The following VPS54 variants were observed in gnomAD, a reference collection of about 807,000 sequenced individuals.
VPS54 encodes vacuolar protein sorting-associated protein 54.
Under a neutral mutation model 121.5 loss-of-function variants are expected in VPS54, and 45 were observed. That is an observed-to-expected ratio of 0.37 (90% CI 0.29 to 0.47). The LOEUF (loss-of-function observed/expected upper bound fraction) is 0.47. Ranked by LOEUF, VPS54 falls within the 20% of genes least tolerant of loss-of-function variation. VPS54 has a pLI of 0.99. For missense variants in VPS54, 1,090 were observed against 1,131.4 expected (o/e 0.96, Z 0.52); for synonymous variants, 371 against 385.8 (o/e 0.96, Z 0.45).
chr2:63,922,044 A>C (rs987883413), intron 12 of VPS54, among the ~76,000 whole-genome samples: 43 of 152,340 alleles, frequency 2.8e-4, no homozygotes, highest in African/African-American at 1.0e-3. Flanking sequence ...AATGAGTATA[A>C]ATATTCAGTT....
chr2:63,985,311 C>A (rs950901929), intron 1 of VPS54, among the ~76,000 whole-genome samples: 1 of 151,964 alleles, frequency 6.6e-6, no homozygotes, highest in African/African-American at 2.4e-5. Flanking sequence ...ATGGTGAGAC[C>A]CCGTCTCAAA....
chr2:63,933,766 C>A lies in VPS54; in HGVS notation c.1646G>T (p.Ser549Ile), dbSNP rs1429335624. The A allele has an allele frequency of 6.2e-7, 1 of 1,613,800 alleles. No individual in the cohort carries two copies. Among genetic ancestry groups the A allele is most frequent in the African/African-American group, 1.3e-5 (1 of 74,912 alleles). The stretch of plus-strand genomic sequence containing the variant: ...ACATTCTGGCTCGGATACAGAATCA[C>A]TGCTGCAGGGCTCACTATTTGGAGA... ...NASPNSEPCS[S>I]DSVSEPECTT... is the part of the protein sequence containing the mutation. The change falls in exon 12 of 23, where the codon AGT (serine) becomes ATT (isoleucine). Residue 549 changes from serine (S) to isoleucine (I), a missense_variant. Transcript: ENST00000272322.
chr2:63,902,760 G>A (rs1167240649), intron 20 of VPS54, among the ~76,000 whole-genome samples: 1 of 152,152 alleles, frequency 6.6e-6, no homozygotes, highest in Non-Finnish European at 1.5e-5. Flanking sequence ...CCTGAAGTCA[G>A]GAGTTCAGAC....
rs963287524 is a variant in VPS54 at position 63,983,986 on chromosome 2, T to C, written c.14A>G (p.His5Arg). 1.2e-6 allele frequency: 2 copies of C among 1,609,822 alleles called. No homozygotes were observed. Among genetic ancestry groups the C allele is most frequent in the Non-Finnish European group, 1.7e-6 (2 of 1,177,780 alleles). The change falls in exon 2 of 23, where the codon CAC becomes CGC. Residue 5 changes from histidine to arginine, a missense_variant. His to Arg is a conservative substitution (Grantham distance 29). This residue lies in a region of VPS54 where 801 missense variants were observed against 757.0 expected (regional missense o/e 1.06). Coordinates refer to ENST00000272322, the MANE Select transcript of VPS54 (RefSeq NM_016516.3). ...TCCTTGAGGCACTGGTGAAGAACTG[T>C]GGCTTGAAGCCATTGCATAAAATCA... The part of the protein sequence containing the change: MASS[H>R]SSSPVPQGSS...
At chr2:63,978,416 C>T (rs1228382942) in intron 3 of VPS54, among the ~76,000 whole-genome samples, 2 of 152,106 alleles carry the variant, frequency 1.3e-5, no homozygotes, top group African/African-American at 4.8e-5. Context: ...TTTTGCTCAC[C>T]TGCCTCACCT....
intron 1 of VPS54, among the ~76,000 whole-genome samples, chr2:63,995,895 T>C (rs1285707648): frequency 1.3e-5 from 2 of 152,234 alleles, no homozygotes. Context: ...CAAGCTCATT[T>C]ATCCATTGTG....
chr2:63,976,952 C>T (rs1174505584), intron 3 of VPS54, among the ~76,000 whole-genome samples: 1 of 151,584 alleles, frequency 6.6e-6, no homozygotes, highest in East Asian at 1.9e-4. Flanking sequence ...CCTCAGCCTC[C>T]CAAGTAGCTG....
At chr2:63,994,521 G>A (rs148901925) in intron 1 of VPS54, among the ~76,000 whole-genome samples, 16 of 152,280 alleles carry the variant, frequency 1.1e-4, no homozygotes, top group South Asian at 2.1e-4. Context: ...AGGAAAAGGC[G>A]GCACTGCATT....
intron 12 of VPS54, among the ~76,000 whole-genome samples, chr2:63,933,425 G>A (rs2104484725): frequency 6.6e-6 from 1 of 152,116 alleles, no homozygotes; most frequent in Non-Finnish European, 1.5e-5. Flanking sequence ...ACTGAAATGA[G>A]GGCATTTAAT....
intron 14 of VPS54, among the ~76,000 whole-genome samples, 178 bp downstream of exon 14, chr2:63,920,268 T>C (rs763037579): frequency 7.2e-5 from 11 of 152,096 alleles, no homozygotes; most frequent in Non-Finnish European, 1.5e-4. Flanking sequence ...GAAGTAAACA[T>C]TCTAACTCCA....
At chr2:64,012,691 C>CAA (rs1202577558) in intron 1 of VPS54, among the ~76,000 whole-genome samples, 5 of 136,022 alleles carry the variant, frequency 3.7e-5, no homozygotes, top group East Asian at 2.1e-4. Context: ...ATCGGCCCAT[C>CAA]AAAAAAAAAA....
chr2:64,016,202 G>T (rs915684641), intron 1 of VPS54, among the ~76,000 whole-genome samples: 1 of 152,096 alleles, frequency 6.6e-6, no homozygotes, highest in African/African-American at 2.4e-5. Flanking sequence ...TATTGATTCC[G>T]AGCTGACCAA....
At chr2:63,940,880 T>C (rs916227927) in intron 11 of VPS54, among the ~76,000 whole-genome samples, 1 of 152,214 alleles carries the variant, frequency 6.6e-6, no homozygotes, top group Admixed American at 6.5e-5. Flanking sequence ...CACCTATAGA[T>C]ACAAGTTTGT....
At chr2:63,989,215 A>G (rs767005714) in intron 1 of VPS54, among the ~76,000 whole-genome samples, 11 of 152,132 alleles carry the variant, frequency 7.2e-5, no homozygotes, top group Non-Finnish European at 1.5e-4. Context: ...CGGGACCGGG[A>G]ACCTCATTAG....
At chr2:64,005,086 C>CTTTTTTTTTTT (rs1559053926) in intron 1 of VPS54, among the ~76,000 whole-genome samples, 1 of 76,604 alleles carries the variant, frequency 1.3e-5, no homozygotes, top group African/African-American at 5.8e-5. Flanking sequence ...TCTACTATTG[C>CTTTTTTTTTTT]TTCTTTTTTT....
intron 16 of VPS54, 113 bp from the exon 17 acceptor site, chr2:63,914,400 G>A (rs2104437181): frequency 1.4e-6 from 1 of 711,828 alleles, no homozygotes; most frequent in Non-Finnish European, 2.4e-6. Context: ...AGAATATAAT[G>A]ACCTTGGTAA....
chr2:63,901,456 G>A (rs1672676269), intron 20 of VPS54, among the ~76,000 whole-genome samples: 1 of 152,222 alleles, frequency 6.6e-6, no homozygotes. Flanking sequence ...CATAAGGAGA[G>A]TCTGCACTCA....
intron 4 of VPS54, among the ~76,000 whole-genome samples, chr2:63,969,502 A>T (rs562939842): frequency 6.6e-6 from 1 of 152,290 alleles, no homozygotes; most frequent in South Asian, 2.1e-4. Context: ...TGCCCTCCTT[A>T]TAAGAATCTA....
rs745733335 is a variant in VPS54 at position 63,981,837 on chromosome 2, T to C, written c.187A>G (p.Arg63Gly). The C allele has an allele frequency of 1.9e-6, 3 of 1,613,606 alleles. No homozygotes were observed. Among genetic ancestry groups the C allele is most frequent in the Non-Finnish European group, 2.5e-6 (3 of 1,179,658 alleles). Residue 63 changes from arginine (R) to glycine (G), a missense_variant, in exon 3 of 23, where the codon AGA becomes GGA. Arg to Gly is a moderately radical substitution (Grantham distance 125). Coordinates refer to ENST00000272322, the MANE Select transcript of VPS54 (RefSeq NM_016516.3). ...VAPSLVTDQH[R>G]WTVYHSKVNL... ...ACTTTGGAATGATATACAGTCCATC[T>C]ATGTTGATCTGTAACTAGAGATGGG...
Sources: gnomAD v4.1 joint callset for allele counts (sites outside exome capture counted in the v4.1 genomes callset) on GRCh38, gnomAD v4.1.1 for gene constraint, gnomAD v4.1.1 regional missense constraint, MANE v1.5 for transcripts, NCBI Gene and HGNC (gene_info 2026-07-23, HGNC 2026-07-21) for gene names.